The following ELK1 variants were observed in gnomAD, a reference collection of about 807,000 sequenced individuals.
ELK1 encodes ETS domain-containing protein Elk-1.
For missense variants in ELK1, 254 were observed against 381.5 expected (o/e 0.67, Z 2.78); for synonymous variants, 163 against 176.3 (o/e 0.92, Z 0.60).
intron 2 of ELK1, among the ~76,000 whole-genome samples, chrX:47,645,001 C>G (rs1227477559): frequency 9.0e-6 from 1 of 110,885 alleles, no homozygotes; most frequent in East Asian, 2.8e-4. Context: ...TAGCTGGGGT[C>G]TGGAGAAAGC....
At chrX:47,638,263 C>T in intron 4 of ELK1, 81 bp from the exon 5 acceptor site, 1 of 1,119,010 alleles carries the variant, frequency 8.9e-7, no homozygotes, top group African/African-American at 1.8e-5. Context: ...CCAGTGATTT[C>T]CCCGGGAAGG....
At chrX:47,639,471 G>C (rs760124689) in intron 3 of ELK1, 133 bp from the exon 4 acceptor site, 14 of 574,584 alleles carry the variant, frequency 2.4e-5, no homozygotes, top group East Asian at 1.8e-4. Flanking sequence ...GCTCCTCTCC[G>C]GCTTTCCCGT....
At chrX:47,637,694 C>T (rs2058013391) in intron 5 of ELK1, 57 bp downstream of exon 5, 24 of 1,120,232 alleles carry the variant, frequency 2.1e-5, no homozygotes, top group East Asian at 3.3e-5. Flanking sequence ...TCACCCGCCA[C>T]ATGCCAATCC....
rs746969732 is a variant in ELK1 at position 47,636,901 on chromosome X, C to T, written c.1215G>A (p.Val405=). ...FQFPSSGSAQ[V]HIPSISVDGL... ...CATCCACGCTGATAGAAGGGATGTG[C>T]ACCTGGGCGCTGCCACTGGATGGAA... The change falls in exon 7 of 7, where the codon GTG becomes GTA. Residue 405 remains valine, a synonymous_variant. Coordinates refer to ENST00000376983, the MANE Select transcript of ELK1 (RefSeq NM_001114123.3). 7 of 1,173,312 alleles carry T rather than the reference C, an allele frequency of 6.0e-6. No homozygotes were observed. Among genetic ancestry groups the T allele is most frequent in the East Asian group, 6.3e-5 (2 of 31,754 alleles).
intron 2 of ELK1, among the ~76,000 whole-genome samples, chrX:47,645,918 T>A (rs751974154): frequency 8.9e-6 from 1 of 111,851 alleles, no homozygotes; most frequent in East Asian, 2.8e-4. Flanking sequence ...TCTGCCCCTG[T>A]TCTGGCTATT....
chrX:47,644,419 A>G (rs778402482), intron 2 of ELK1, among the ~76,000 whole-genome samples: 1 of 111,739 alleles, frequency 8.9e-6, no homozygotes, highest in East Asian at 2.8e-4. Flanking sequence ...CGCAACAGAC[A>G]ACAATCCCTG....
At chrX:47,639,612 A>T (rs1159085712) in intron 3 of ELK1, among the ~76,000 whole-genome samples, 1 of 109,120 alleles carries the variant, frequency 9.2e-6, no homozygotes, top group Non-Finnish European at 1.9e-5. Context: ...CTCCACAATA[A>T]TTTTTTCTTT....
At chrX:47,647,980 C>T (rs1234651425) in intron 2 of ELK1, among the ~76,000 whole-genome samples, 3 of 112,238 alleles carry the variant, frequency 2.7e-5, no homozygotes, top group African/African-American at 9.7e-5. Context: ...ATACATGTGC[C>T]TTTGTATAGT....
intron 2 of ELK1, chrX:47,649,281 C>G (rs1024910029): frequency 1.8e-5 from 2 of 110,881 alleles, no homozygotes; most frequent in Admixed American, 1.9e-4. Flanking sequence ...ACGAGTGTGA[C>G]CAGGCTGACC....
chrX:47,636,769 TG>T lies in ELK1; in HGVS notation c.*59del, dbSNP rs1238241117. The T allele has an allele frequency of 1.3e-5, 13 of 1,002,975 alleles. No individual in the cohort carries two copies. The highest frequency in any genetic ancestry group is 1.7e-5 in the Non-Finnish European group (13 of 752,805). 82.7% of individuals were successfully genotyped at this position (1,002,975 alleles called of 1,213,427 possible). Reference sequence around the variant, plus strand: ...GAACTATGTTTCTCCTTGAGATGGCTGGCTGGAGAGAGCATGGATGGAGTGA... The same window carrying T: ...GAACTATGTTTCTCCTTGAGATGGCTGCTGGAGAGAGCATGGATGGAGTGA... On this transcript the variant is annotated 3_prime_UTR_variant, in exon 7 of 7. Transcript: ENST00000376983.
chrX:47,637,402 C>T (rs1434960393), intron 5 of ELK1, among the ~76,000 whole-genome samples: 1 of 110,898 alleles, frequency 9.0e-6, no homozygotes, highest in Non-Finnish European at 1.9e-5. Flanking sequence ...CCTCTCAAGT[C>T]ACCATCCCAA....
intron 5 of ELK1, 36 bp from the exon 6 acceptor site, chrX:47,637,150 G>C: frequency 1.7e-6 from 2 of 1,146,681 alleles, no homozygotes; most frequent in Non-Finnish European, 2.4e-6. Context: ...CAAGTGAGTA[G>C]AAAGTAGATG....
rs1171434990 is a variant in ELK1, at chrX:47,635,969, C to G, written c.*860G>C. ...AATATAGGAAGAGATGACTCCCTCTCCCCTATTGAAAAGCCCCATTTAAAA... is the reference window on the plus strand; with the variant it reads ...AATATAGGAAGAGATGACTCCCTCTGCCCTATTGAAAAGCCCCATTTAAAA... On this transcript the variant is annotated 3_prime_UTR_variant, in exon 7 of 7. Coordinates refer to ENST00000376983, the MANE Select transcript of ELK1 (RefSeq NM_001114123.3). The G allele has an allele frequency of 9.2e-6, 1 of 108,209 alleles. No homozygotes were observed. The highest frequency in any genetic ancestry group is 1.9e-5 in the Non-Finnish European group (1 of 52,111). The allele number at this position is 108,209 out of a possible 1,213,427, so 8.9% of individuals were successfully genotyped here.
chrX:47,649,192 C>T (rs1041285729), intron 2 of ELK1: 1 of 111,274 alleles, frequency 9.0e-6, no homozygotes, highest in Non-Finnish European at 1.9e-5. Flanking sequence ...TCAATAAACG[C>T]TAGCTCCTAT....
At chrX:47,640,312 G>A (rs1433637008) in intron 3 of ELK1, among the ~76,000 whole-genome samples, 1 of 111,436 alleles carries the variant, frequency 9.0e-6, no homozygotes, top group African/African-American at 3.3e-5. Flanking sequence ...AGGGTGTGCA[G>A]CATATGACCA....
At chrX:47,638,248 G>A in intron 4 of ELK1, 66 bp from the exon 5 acceptor site, 3 of 1,138,311 alleles carry the variant, frequency 2.6e-6, no homozygotes, top group Non-Finnish European at 3.5e-6. Context: ...TCTCCTGTGG[G>A]CCACCCAGTG....
At chrX:47,638,834 G>T in intron 4 of ELK1, 61 bp downstream of exon 4, 1 of 1,126,367 alleles carries the variant, frequency 8.9e-7, no homozygotes, top group Non-Finnish European at 1.2e-6. Context: ...GTCATCCGGG[G>T]ATTACACATC....
intron 2 of ELK1, among the ~76,000 whole-genome samples, chrX:47,647,893 G>T (rs775020266): frequency 8.9e-6 from 1 of 112,408 alleles, no homozygotes; most frequent in African/African-American, 3.2e-5. Context: ...GCCCTGCTGG[G>T]TGTGCAGCTT....
chrX:47,642,186 C>G (rs1239679191), intron 2 of ELK1, among the ~76,000 whole-genome samples: 2 of 112,030 alleles, frequency 1.8e-5, no homozygotes, highest in African/African-American at 6.5e-5. Context: ...TGGATTTTCC[C>G]CTAGAGCCTC....
Sources: allele counts gnomAD v4.1 joint callset (sites outside exome capture counted in the v4.1 genomes callset), GRCh38; gene constraint gnomAD v4.1.1; transcripts MANE v1.5; gene names NCBI Gene and HGNC (gene_info 2026-07-23, HGNC 2026-07-21).